TXNL1: variants seen among roughly 807,000 people sequenced by gnomAD.
The protein encoded by TXNL1 is thioredoxin-like protein 1.
TXNL1 carries 14 observed loss-of-function variants against 35.5 expected under a neutral mutation model. The observed-to-expected ratio is 0.39, with a 90% CI of 0.26 to 0.62. The LOEUF is 0.62. Ranked by LOEUF, TXNL1 falls within the 20% of genes least tolerant of loss-of-function variation. TXNL1 has a pLI of 0.47. For synonymous variants in TXNL1, 110 were observed against 115.5 expected, an observed-to-expected ratio of 0.95 and a Z score of 0.31; for missense variants, 263 against 349.7, an observed-to-expected ratio of 0.75 and a Z score of 1.98.
At position 56,610,917 on chromosome 18, in the gene TXNL1, G is replaced by A. The variant is rs565825458; in HGVS notation, c.840+76C>T. ...GAATTATTTTGTTAAAAGAAAGTGT[G>A]ACAGTTGAGATACATGAAATTATTC... On this transcript the variant is annotated intron_variant, in intron 7 of 7. Coordinates refer to ENST00000217515, the MANE Select transcript of TXNL1 (RefSeq NM_004786.3). 2.3e-5 allele frequency: 22 copies of A among 939,484 alleles called. No individual in the cohort carries two copies. The African/African-American group carries it at 3.5e-4, about 15-fold the overall frequency. The allele number at this position is 939,484 out of a possible 1,614,324, so 58.2% of individuals were successfully genotyped here. A position where few individuals can be genotyped will look rare whatever the true frequency, so the allele number is the denominator to read the frequency against.
intron 3 of TXNL1, 35 bp downstream of exon 3, chr18:56,624,253 T>C: frequency 6.3e-7 from 1 of 1,591,976 alleles, no homozygotes. Context: ...GTACAAGATA[T>C]TATACATTAT....
chr18:56,625,892 G>C (rs1356154898), intron 2 of TXNL1, among the ~76,000 whole-genome samples: 1 of 151,992 alleles, frequency 6.6e-6, no homozygotes, highest in Non-Finnish European at 1.5e-5. Flanking sequence ...AATAATCAGG[G>C]CAATTCACCT....
At chr18:56,633,489 C>T (rs1280679409) in intron 1 of TXNL1, among the ~76,000 whole-genome samples, 1 of 148,150 alleles carries the variant, frequency 6.7e-6, no homozygotes, top group African/African-American at 2.5e-5. Flanking sequence ...CATAGTGGTG[C>T]GTGCCTGTAG....
At chr18:56,624,760 G>C (rs2024248235) in intron 2 of TXNL1, among the ~76,000 whole-genome samples, 1 of 152,010 alleles carries the variant, frequency 6.6e-6, no homozygotes. Flanking sequence ...CTTAATGCCA[G>C]ACAGATCTTT....
chr18:56,604,343 A>T (rs1173972011), intron 7 of TXNL1: 1 of 152,250 alleles, frequency 6.6e-6, no homozygotes, highest in Non-Finnish European at 1.5e-5. Flanking sequence ...AACACAAAAC[A>T]CAAAGCTATT....
chr18:56,621,935 G>C (rs1481979379), intron 3 of TXNL1, among the ~76,000 whole-genome samples: 1 of 151,062 alleles, frequency 6.6e-6, no homozygotes, highest in Non-Finnish European at 1.5e-5. Flanking sequence ...GGCAGGGGCA[G>C]GGGCCAGGGG....
chr18:56,635,690 T>C (rs886384007), intron 1 of TXNL1, among the ~76,000 whole-genome samples: 1 of 152,190 alleles, frequency 6.6e-6, no homozygotes, highest in Non-Finnish European at 1.5e-5. Flanking sequence ...TTAATGGATA[T>C]AGAATTTCTG....
intron 1 of TXNL1, among the ~76,000 whole-genome samples, chr18:56,635,857 C>T (rs535200481): frequency 1.3e-5 from 2 of 152,190 alleles, no homozygotes; most frequent in Non-Finnish European, 2.9e-5. Flanking sequence ...CTGCACATAA[C>T]CTACGACCAT....
chr18:56,630,452 G>A (rs1207882037), intron 1 of TXNL1, among the ~76,000 whole-genome samples: 2 of 152,168 alleles, frequency 1.3e-5, no homozygotes, highest in African/African-American at 4.8e-5. Flanking sequence ...GCTAGGTGTA[G>A]GCACTCTTAT....
chr18:56,607,163 G>T (rs2023912120), intron 7 of TXNL1, among the ~76,000 whole-genome samples: 3 of 142,118 alleles, frequency 2.1e-5, no homozygotes, highest in Admixed American at 1.4e-4. Context: ...GGGTAATTTT[G>T]TGTGTGTGTG....
intron 3 of TXNL1, among the ~76,000 whole-genome samples, chr18:56,619,186 C>A (rs2024139152): frequency 6.7e-6 from 1 of 149,326 alleles, no homozygotes; most frequent in East Asian, 2.0e-4. Context: ...TGTACTCCAG[C>A]CCAGGCAGCA....
intron 7 of TXNL1, among the ~76,000 whole-genome samples, chr18:56,606,902 C>T (rs888437829): frequency 6.6e-6 from 1 of 152,206 alleles, no homozygotes; most frequent in Non-Finnish European, 1.5e-5. Context: ...AAAGAGCAAG[C>T]ATGGGAGAGA....
intron 4 of TXNL1, among the ~76,000 whole-genome samples, 179 bp from the exon 5 acceptor site, chr18:56,616,493 AACT>A (rs1207602829): frequency 3.3e-5 from 5 of 152,182 alleles, no homozygotes; most frequent in Non-Finnish European, 5.9e-5. Context: ...AACATCTGAG[AACT>A]ACTACTATTA....
intron 1 of TXNL1, among the ~76,000 whole-genome samples, chr18:56,637,584 T>G (rs1164839616): frequency 6.6e-6 from 1 of 152,184 alleles, no homozygotes; most frequent in Non-Finnish European, 1.5e-5. Context: ...TTTGTTGATA[T>G]TTACCAAAGA....
rs775376111 is a variant in TXNL1, at chr18:56,602,998, C to T, written c.*29G>A. On this transcript the variant is annotated 3_prime_UTR_variant, in exon 8 of 8. Coordinates refer to ENST00000217515, the MANE Select transcript of TXNL1 (RefSeq NM_004786.3). ...TATCCAGGAGCTGTAGATCTGATTG[C>T]AATATGGTTGTCCAGTGTCTTTTGT... is the stretch of plus-strand genomic sequence containing the variant. 1 of 1,612,884 alleles carries T rather than the reference C, an allele frequency of 6.2e-7. No homozygotes were observed. The highest frequency in any genetic ancestry group is 1.7e-5 in the Admixed American group (1 of 59,966).
intron 1 of TXNL1, among the ~76,000 whole-genome samples, chr18:56,626,980 ATT>A (rs556368982): frequency 4.8e-5 from 6 of 125,618 alleles, no homozygotes; most frequent in Non-Finnish European, 6.9e-5. Flanking sequence ...ACCAAGCTAC[ATT>A]TTTTTTTTTT....
chr18:56,618,866 T>C (rs919786367), intron 3 of TXNL1, among the ~76,000 whole-genome samples: 13 of 152,038 alleles, frequency 8.6e-5, no homozygotes, highest in African/African-American at 1.2e-4. Flanking sequence ...CACACTTGAA[T>C]TGTTACACGC....
intron 1 of TXNL1, among the ~76,000 whole-genome samples, chr18:56,627,954 A>AC (rs374471662): frequency 3.7e-4 from 56 of 152,236 alleles, no homozygotes; most frequent in African/African-American, 1.1e-3. Flanking sequence ...AGACTAGGAA[A>AC]AAGTATTTGC....
In TXNL1 at chr18:56,597,958, A is replaced by G. The variant is rs2023764128; in HGVS notation, c.*5069T>C. The G allele has an allele frequency of 6.6e-6, 1 of 152,212 alleles. No individual in the cohort carries two copies. The allele number at this position is 152,212 out of a possible 1,614,324, so 9.4% of individuals were successfully genotyped here. ...ACTTCTCTATGCTCGCTCCTCCCAT[A>G]AATTAAGGAGAAAGTTTGATCTCTT... On this transcript the variant is annotated 3_prime_UTR_variant, in exon 8 of 8. Transcript: ENST00000217515.
Sources: allele counts gnomAD v4.1 joint callset (sites outside exome capture counted in the v4.1 genomes callset), GRCh38; gene constraint gnomAD v4.1.1; transcripts MANE v1.5; gene names NCBI Gene and HGNC (gene_info 2026-07-23, HGNC 2026-07-21).